Variants in KDM4C observed in about 807,000 individuals in gnomAD.
KDM4C encodes the protein lysine-specific demethylase 4C.
KDM4C carries 81 observed loss-of-function variants against 129.3 expected under a neutral mutation model. That is an observed-to-expected ratio of 0.63 (90% CI 0.52 to 0.75). KDM4C has a LOEUF of 0.75. KDM4C is among the 30% of genes least tolerant of loss of function. The probability of loss-of-function intolerance (pLI) is 0.00; values close to 1 mark genes in which losing one functional copy is unlikely to be tolerated. For synonymous variants in KDM4C, 573 were observed against 456.1 expected (o/e 1.26, Z -3.26); for missense variants, 1,457 against 1,304.0 (o/e 1.12, Z -1.81).
intron 17 of KDM4C, chr9:7,076,616 C>T (rs1416313930): frequency 7.1e-7 from 1 of 1,413,436 alleles, no homozygotes; most frequent in African/African-American, 1.4e-5. Flanking sequence ...ATAGCCTGAG[C>T]TCCTGATTGA....
At chr9:6,847,063 G>A (rs970059745) in intron 4 of KDM4C, among the ~76,000 whole-genome samples, 1 of 152,056 alleles carries the variant, frequency 6.6e-6, no homozygotes, top group African/African-American at 2.4e-5. Context: ...GATGTCAAGG[G>A]ATTCAACCCT....
At chr9:6,971,828 T>C (rs549317162) in intron 8 of KDM4C, among the ~76,000 whole-genome samples, 1 of 152,280 alleles carries the variant, frequency 6.6e-6, no homozygotes, top group East Asian at 1.9e-4. Flanking sequence ...TGAGGGAAGT[T>C]ATTGAATAAT....
At chr9:6,811,185 G>T (rs57144536) in intron 3 of KDM4C, among the ~76,000 whole-genome samples, 2,142 of 152,022 alleles carry the variant, frequency 0.014, 59 homozygotes, top group African/African-American at 0.048. Context: ...ACAGAGTCTC[G>T]CTCTGTTGCC....
chr9:7,143,905 T>A (rs12238468), intron 19 of KDM4C, among the ~76,000 whole-genome samples: 28,945 of 152,148 alleles, frequency 0.19, 3,121 homozygotes, highest in Non-Finnish European at 0.23. Flanking sequence ...CATGATTGGT[T>A]AACTTTATGC....
intron 5 of KDM4C, among the ~76,000 whole-genome samples, chr9:6,867,901 C>T (rs1211206327): frequency 5.3e-5 from 8 of 152,144 alleles, no homozygotes; most frequent in Non-Finnish European, 1.0e-4. Flanking sequence ...GAATTAAAAT[C>T]TTACATGGAA....
intron 15 of KDM4C, among the ~76,000 whole-genome samples, chr9:7,021,364 C>T (rs529617717): frequency 7.1e-4 from 108 of 151,968 alleles, no homozygotes; most frequent in Admixed American, 2.0e-3. Context: ...AGGCTGGTCT[C>T]GAACTCCTGA....
At chr9:6,807,389 A>G (rs1285365889) in intron 3 of KDM4C, among the ~76,000 whole-genome samples, 3 of 137,260 alleles carry the variant, frequency 2.2e-5, no homozygotes, top group Non-Finnish European at 3.1e-5. Flanking sequence ...CCCAGTCTGG[A>G]AAGTGAGGAG....
At chr9:6,835,367 A>G (rs1835693933) in intron 4 of KDM4C, 3 of 1,081,002 alleles carry the variant, frequency 2.8e-6, no homozygotes, top group Non-Finnish European at 4.3e-6. Flanking sequence ...ACCACCATGT[A>G]CCCTAGCGTT....
At chr9:6,787,533 C>A (rs1474280646) in intron 1 of KDM4C, among the ~76,000 whole-genome samples, 1 of 152,174 alleles carries the variant, frequency 6.6e-6, no homozygotes, top group Non-Finnish European at 1.5e-5. Flanking sequence ...ACGCCCAGGC[C>A]CAGAGCCATT....
intron 15 of KDM4C, among the ~76,000 whole-genome samples, chr9:7,016,227 A>C (rs1158076143): frequency 6.6e-6 from 1 of 151,536 alleles, no homozygotes; most frequent in Admixed American, 6.6e-5. Flanking sequence ...TTCCAGGTTC[A>C]CACCATTCTC....
intron 4 of KDM4C, among the ~76,000 whole-genome samples, chr9:6,815,638 T>C (rs761897255): frequency 3.1e-4 from 47 of 152,182 alleles, no homozygotes; most frequent in Non-Finnish European, 6.0e-4. Context: ...AAATCCAAAA[T>C]CTAAATGCTC....
chr9:6,779,030 G>GTTTTTTTTTTTT (rs1563985369), intron 1 of KDM4C, among the ~76,000 whole-genome samples: 7 of 59,698 alleles, frequency 1.2e-4, no homozygotes, highest in South Asian at 6.6e-4. Flanking sequence ...CCTGATTAAA[G>GTTTTTTTTTTTT]TCTTTTTTTT....
intron 5 of KDM4C, among the ~76,000 whole-genome samples, chr9:6,859,047 G>A (rs1326551096): frequency 1.3e-5 from 2 of 152,252 alleles, no homozygotes; most frequent in African/African-American, 4.8e-5. Flanking sequence ...TACTGCACAT[G>A]TGTTCATTTT....
intron 17 of KDM4C, among the ~76,000 whole-genome samples, chr9:7,092,701 G>C (rs1835942027): frequency 6.6e-6 from 1 of 152,112 alleles, no homozygotes; most frequent in African/African-American, 2.4e-5. Flanking sequence ...AGGATGGACT[G>C]GGTAATCTTC....
chr9:6,845,528 A>C (rs1482443076), intron 4 of KDM4C, among the ~76,000 whole-genome samples: 1 of 152,208 alleles, frequency 6.6e-6, no homozygotes, highest in East Asian at 1.9e-4. Context: ...GAGTGCTTTT[A>C]AACTGCTGTC....
At chr9:6,732,793 A>G (rs1817395548) in intron 1 of KDM4C, among the ~76,000 whole-genome samples, 2 of 152,030 alleles carry the variant, frequency 1.3e-5, no homozygotes, top group African/African-American at 4.8e-5. Context: ...TGGGCAGATC[A>G]TTTGAGGTCA....
intron 4 of KDM4C, among the ~76,000 whole-genome samples, chr9:6,838,143 C>T (rs893457825): frequency 7.9e-5 from 12 of 152,194 alleles, no homozygotes; most frequent in Non-Finnish European, 1.3e-4. Flanking sequence ...TCAGGTTGGA[C>T]TGGACATTCC....
intron 17 of KDM4C, among the ~76,000 whole-genome samples, chr9:7,089,840 A>G (rs745521622): frequency 8.5e-5 from 13 of 152,164 alleles, no homozygotes; most frequent in Non-Finnish European, 1.5e-4. Context: ...CTTTGCTCAG[A>G]TTTGGTGGGT....
intron 4 of KDM4C, among the ~76,000 whole-genome samples, chr9:6,824,365 A>G (rs1423512148): frequency 6.6e-6 from 1 of 152,164 alleles, no homozygotes; most frequent in Non-Finnish European, 1.5e-5. Flanking sequence ...CTGATAACAG[A>G]CTGCAGCAAG....
Sources: allele counts gnomAD v4.1 joint callset (sites outside exome capture counted in the v4.1 genomes callset), GRCh38; gene constraint gnomAD v4.1.1; transcripts MANE v1.5; gene names NCBI Gene and HGNC (gene_info 2026-07-23, HGNC 2026-07-21).